The following ABTB3 variants were observed in gnomAD, a reference collection of about 807,000 sequenced individuals.
The protein encoded by ABTB3 is ankyrin repeat and BTB domain containing 3, also known as ankyrin repeat- and BTB/POZ domain-containing protein 3.
chr12:107,564,810 G>T, the ABTB3 span, among the ~76,000 whole-genome samples: 1 of 152,320 alleles, frequency 6.6e-6, no homozygotes, highest in East Asian at 1.9e-4. Context: ...TGTCTATTTG[G>T]CTTTGCTTGC....
chr12:107,330,714 G>A, the ABTB3 span, among the ~76,000 whole-genome samples: 1 of 152,206 alleles, frequency 6.6e-6, no homozygotes. Context: ...CAGATCACTC[G>A]TGGGAAGCAT....
chr12:107,642,315 A>G, the ABTB3 span: 1 of 689,210 alleles, frequency 1.5e-6, no homozygotes, highest in Admixed American at 2.5e-5. Flanking sequence ...CCCTCCTCAC[A>G]GTGCCCCTTC....
At chr12:107,454,308 TAA>T in the ABTB3 span, among the ~76,000 whole-genome samples, 11 of 152,322 alleles carry the variant, frequency 7.2e-5, 1 homozygote, top group Admixed American at 7.2e-4. Context: ...GGCCCCTTGT[TAA>T]AAATCATTAA....
the ABTB3 span, among the ~76,000 whole-genome samples, chr12:107,435,244 C>T: frequency 6.6e-6 from 1 of 152,234 alleles, no homozygotes; most frequent in African/African-American, 2.4e-5. Context: ...ATTTCTCTTG[C>T]AGCTTACGCT....
At chr12:107,650,178 G>C in the ABTB3 span, 1 of 152,186 alleles carries the variant, frequency 6.6e-6, no homozygotes, top group African/African-American at 2.4e-5. Context: ...AGGCTCCACT[G>C]CTTCTGAGCT....
the ABTB3 span, among the ~76,000 whole-genome samples, chr12:107,332,514 A>C: frequency 6.6e-6 from 1 of 152,126 alleles, no homozygotes; most frequent in Admixed American, 6.5e-5. Context: ...CCTGTTCCTA[A>C]CCACCGTGCC....
At chr12:107,338,919 C>T in the ABTB3 span, among the ~76,000 whole-genome samples, 6 of 152,122 alleles carry the variant, frequency 3.9e-5, no homozygotes, top group Non-Finnish European at 5.9e-5. Flanking sequence ...CTTGGACTCC[C>T]GGGCTCAAGC....
chr12:107,411,549 C>T, the ABTB3 span, among the ~76,000 whole-genome samples: 1 of 152,164 alleles, frequency 6.6e-6, no homozygotes, highest in Non-Finnish European at 1.5e-5. Flanking sequence ...GTGTCCCCCT[C>T]TTTTTTCTGG....
chr12:107,419,742 G>A, the ABTB3 span, among the ~76,000 whole-genome samples: 1 of 152,322 alleles, frequency 6.6e-6, no homozygotes, highest in African/African-American at 2.4e-5. Context: ...AGTACTCAAT[G>A]AATGTTAGTT....
chr12:107,380,098 G>A, the ABTB3 span, among the ~76,000 whole-genome samples: 1 of 152,176 alleles, frequency 6.6e-6, no homozygotes, highest in African/African-American at 2.4e-5. Context: ...TTAACTCCCG[G>A]GGTGCAGTAC....
the ABTB3 span, among the ~76,000 whole-genome samples, chr12:107,453,850 A>ATT: frequency 6.6e-6 from 1 of 152,148 alleles, no homozygotes; most frequent in African/African-American, 2.4e-5. Flanking sequence ...AAAATTTTGA[A>ATT]AGTAAAACCC....
At chr12:107,591,047 C>T in the ABTB3 span, among the ~76,000 whole-genome samples, 2 of 152,126 alleles carry the variant, frequency 1.3e-5, no homozygotes, top group Non-Finnish European at 1.5e-5. Context: ...AAAGCCAGGA[C>T]AAAAGTATTT....
At chr12:107,575,182 G>A in the ABTB3 span, among the ~76,000 whole-genome samples, 1 of 152,064 alleles carries the variant, frequency 6.6e-6, no homozygotes, top group Non-Finnish European at 1.5e-5. Flanking sequence ...GAAAAGTCAG[G>A]GCCACACAGT....
At chr12:107,555,271 C>T in the ABTB3 span, among the ~76,000 whole-genome samples, 6 of 152,200 alleles carry the variant, frequency 3.9e-5, no homozygotes, top group Admixed American at 1.3e-4. Flanking sequence ...AAATCCCAAA[C>T]TTCACCCACT....
the ABTB3 span, among the ~76,000 whole-genome samples, chr12:107,575,126 C>T: frequency 3.9e-5 from 6 of 152,190 alleles, no homozygotes; most frequent in Admixed American, 1.3e-4. Flanking sequence ...CCACAAATAT[C>T]GAAATTCCTT....
the ABTB3 span, among the ~76,000 whole-genome samples, chr12:107,378,184 A>T: frequency 2.0e-5 from 3 of 152,188 alleles, no homozygotes; most frequent in Non-Finnish European, 4.4e-5. Flanking sequence ...AACCTTGGGC[A>T]TGTCCCTTAA....
At chr12:107,359,181 C>A in the ABTB3 span, among the ~76,000 whole-genome samples, 1 of 152,294 alleles carries the variant, frequency 6.6e-6, no homozygotes, top group East Asian at 1.9e-4. Flanking sequence ...GAGGGCTGGG[C>A]AACTGTGAGG....
the ABTB3 span, among the ~76,000 whole-genome samples, chr12:107,600,254 C>T: frequency 4.6e-5 from 7 of 152,336 alleles, no homozygotes; most frequent in East Asian, 3.9e-4. Context: ...CCTTGAGCAA[C>T]CGATACGCAA....
chr12:107,502,303 A>G, the ABTB3 span, among the ~76,000 whole-genome samples: 1 of 151,850 alleles, frequency 6.6e-6, no homozygotes, highest in Non-Finnish European at 1.5e-5. Context: ...CTCCTGACCT[A>G]AAGTGATCTG....
Sources: gnomAD v4.1 joint callset for allele counts (sites outside exome capture counted in the v4.1 genomes callset) on GRCh38, gnomAD v4.1.1 for gene constraint, MANE v1.5 for transcripts, NCBI Gene and HGNC (gene_info 2026-07-23, HGNC 2026-07-21) for gene names.